FNDC5: variants seen among roughly 807,000 people sequenced by gnomAD.
FNDC5 encodes fibronectin type III domain-containing protein 5.
Under a neutral mutation model 24.6 loss-of-function variants are expected in FNDC5, and 10 were observed. That is an observed-to-expected ratio of 0.41 (90% CI 0.25 to 0.69). The LOEUF (loss-of-function observed/expected upper bound fraction) is 0.69. Among genes scored for constraint, FNDC5 ranks in the 30% least tolerant of loss-of-function variants. FNDC5 has a pLI of 0.34. For synonymous variants in FNDC5, 90 were observed against 110.7 expected, an observed-to-expected ratio of 0.81 and a Z score of 1.18; for missense variants, 226 against 282.9, an observed-to-expected ratio of 0.80 and a Z score of 1.44.
Position 32,868,844 on chromosome 1 carries a change from T to C in FNDC5, c.210+38A>G. 8.2e-7 allele frequency: 1 copy of C among 1,217,256 alleles called. No homozygotes were observed. Among genetic ancestry groups the C allele is most frequent in the Admixed American group, 3.7e-5 (1 of 26,690 alleles). 75.4% of individuals were successfully genotyped at this position (1,217,256 alleles called of 1,614,324 possible). On this transcript the variant is annotated intron_variant, in intron 2 of 5. Transcript: ENST00000373471. This position sits in a 1 kb window ranked among gnomAD's most constrained non-coding sequence, Gnocchi z 4.8. ...CTACCCCCATCTGCCACTACTGTCT[T>C]GATGTGTCCTTCCCTCCTAAGGACA... is the stretch of plus-strand genomic sequence containing the variant.
At position 32,864,733 on chromosome 1, in the gene FNDC5, CTTG is replaced by C. The variant is rs1641038135; in HGVS notation, c.561_563del (p.Asn187del). 10 of 1,614,106 alleles carry C rather than the reference CTTG, an allele frequency of 6.2e-6. No homozygotes were observed. Among genetic ancestry groups the C allele is most frequent in the African/African-American group, 2.7e-5 (2 of 75,034 alleles). ...TTTCTGATGCACTCTTGGTTTTTTC[CTTG>C]TTGTTATTGGGTTCATTGTCCTTGA... On this transcript the variant is annotated inframe_deletion, in exon 5 of 6. Coordinates refer to ENST00000373471, the MANE Select transcript of FNDC5 (RefSeq NM_153756.3).
intron 1 of FNDC5, among the ~76,000 whole-genome samples, chr1:32,869,517 C>CA: frequency 6.6e-6 from 1 of 152,318 alleles, no homozygotes; most frequent in Non-Finnish European, 1.5e-5. Context: ...ACAGAAGTAT[C>CA]CTCAGAGCTG....
intron 4 of FNDC5, 53 bp downstream of exon 4, chr1:32,867,700 C>A: frequency 1.3e-6 from 2 of 1,559,920 alleles, no homozygotes; most frequent in Non-Finnish European, 8.8e-7. Context: ...TGGTCAGAGT[C>A]CTCCATTTCC....
chr1:32,864,104 G>A lies in FNDC5; in HGVS notation c.*190C>T, dbSNP rs1163338856. ...ATTGTTGAGGTGCTTCTGGAGATGG[G>A]AGTTAATAAGAGGCTTCAGGAAAGT... is the stretch of plus-strand genomic sequence containing the variant. On this transcript the variant is annotated 3_prime_UTR_variant, in exon 6 of 6. Coordinates refer to ENST00000373471, the MANE Select transcript of FNDC5 (RefSeq NM_153756.3). The A allele has an allele frequency of 4.6e-6, 7 of 1,506,728 alleles. No individual in the cohort carries two copies. The highest frequency in any genetic ancestry group is 1.4e-5 in the African/African-American group (1 of 71,648). 93.3% of individuals were successfully genotyped at this position (1,506,728 alleles called of 1,614,324 possible). A position where few individuals can be genotyped will look rare whatever the true frequency, so the allele number is the denominator to read the frequency against.
In FNDC5 at chr1:32,868,065, G is replaced by A; in HGVS notation, c.409+125C>T. ...GGGACTAGCGTGAACCCTCTCTCAG[G>A]TACTGCTTTACTTGCCAGCAGGGGA... On this transcript the variant is annotated intron_variant, in intron 3 of 5. Transcript: ENST00000373471. The surrounding 1 kb of genome is among the most constrained non-coding windows in gnomAD (Gnocchi z 4.8). 8.3e-7 allele frequency: 1 copy of A among 1,202,246 alleles called. No homozygotes were observed. Among genetic ancestry groups the A allele is most frequent in the Non-Finnish European group, 1.2e-6 (1 of 836,700 alleles). The allele number at this position is 1,202,246 out of a possible 1,614,324, so 74.5% of individuals were successfully genotyped here.
Position 32,863,263 on chromosome 1 carries a change from G to A in FNDC5, c.*1031C>T, listed in dbSNP as rs977575034. ...AGACAAACCAGGTAACATCTTACAC[G>A]CTTGCAAAAGTGTGCATCACACCAC... On this transcript the variant is annotated 3_prime_UTR_variant, in exon 6 of 6. Coordinates refer to ENST00000373471, the MANE Select transcript of FNDC5 (RefSeq NM_153756.3). 1.3e-5 allele frequency: 2 copies of A among 158,286 alleles called. No homozygotes were observed. Among genetic ancestry groups the A allele is most frequent in the East Asian group, 3.6e-4 (2 of 5,522 alleles). 9.8% of individuals were successfully genotyped at this position (158,286 alleles called of 1,614,324 possible).
In FNDC5 at chr1:32,870,683, C is replaced by T. The variant is rs1641164960; in HGVS notation, c.64G>A (p.Gly22Ser). The stretch of plus-strand genomic sequence containing the variant: ...TGCACCAGCGCGAAGCAGACGCAGC[C>T]CAGCCACAGGCGGAGCGCGGCGCGG... Residue 22 changes from glycine to serine, a missense_variant, in exon 1 of 6, where the codon GGC becomes AGC. Coordinates refer to ENST00000373471, the MANE Select transcript of FNDC5 (RefSeq NM_153756.3). 1 of 1,206,366 alleles carries T rather than the reference C, an allele frequency of 8.3e-7. No homozygotes were observed. Among genetic ancestry groups the T allele is most frequent in the Non-Finnish European group, 1.0e-6 (1 of 971,536 alleles). The allele number at this position is 1,206,366 out of a possible 1,614,324, so 74.7% of individuals were successfully genotyped here. A position where few individuals can be genotyped will look rare whatever the true frequency, so the allele number is the denominator to read the frequency against.
chr1:32,865,018 ACCT>A (rs1202078577), intron 4 of FNDC5, among the ~76,000 whole-genome samples: 2 of 151,706 alleles, frequency 1.3e-5, no homozygotes, highest in Admixed American at 6.6e-5. Flanking sequence ...GTCTGATCAT[ACCT>A]CCTCCTCTCC....
chr1:32,867,326 G>C (rs1641090168), intron 4 of FNDC5, among the ~76,000 whole-genome samples: 1 of 152,126 alleles, frequency 6.6e-6, no homozygotes, highest in African/African-American at 2.4e-5. Context: ...ATGGTGGCTG[G>C]GTCTAGAAGG....
intron 1 of FNDC5, among the ~76,000 whole-genome samples, chr1:32,870,306 G>A (rs936476961): frequency 6.6e-6 from 1 of 152,150 alleles, no homozygotes; most frequent in South Asian, 2.1e-4. Flanking sequence ...TGGGGACACA[G>A]AGAGAGGCCC....
At chr1:32,871,888 TGGA>T (rs1436392773), upstream of FNDC5, among the ~76,000 whole-genome samples, 1 of 152,068 alleles carries the variant, frequency 6.6e-6, no homozygotes, top group Non-Finnish European at 1.5e-5. Flanking sequence ...AGAAACAAGG[TGGA>T]GGAGAGAGGC....
At chr1:32,867,874 C>T in intron 3 of FNDC5, 32 bp from the exon 4 acceptor site, 1 of 1,604,902 alleles carries the variant, frequency 6.2e-7, no homozygotes, top group Admixed American at 1.7e-5. Context: ...ATCCAGCACT[C>T]CTTTCCTCCC....
At position 32,864,787 on chromosome 1, in the gene FNDC5, G is replaced by A. The variant is rs1641038975; in HGVS notation, c.510C>T (p.Ala170=). 1.2e-6 allele frequency: 2 copies of A among 1,614,084 alleles called. No homozygotes were observed. Among genetic ancestry groups the A allele is most frequent in the Non-Finnish European group, 1.7e-6 (2 of 1,180,032 alleles). The stretch of plus-strand genomic sequence containing the variant: ...TGATGTCATACTGGCGGCAGAAGAG[G>A]GCAATGACACCTGAGGGGGGACAAG... The change falls in exon 5 of 6, where the codon GCC becomes GCT. Residue 170 remains alanine (A), a synonymous_variant. Transcript: ENST00000373471.
rs1641002893 is a variant in FNDC5, at chr1:32,863,572, G to T, written c.*722C>A. 3.4e-6 allele frequency: 2 copies of T among 586,342 alleles called. No individual in the cohort carries two copies. Among genetic ancestry groups the T allele is most frequent in the South Asian group, 1.9e-5 (1 of 53,232 alleles). 36.3% of individuals were successfully genotyped at this position (586,342 alleles called of 1,614,324 possible). The stretch of plus-strand genomic sequence containing the variant: ...TTATTTTTATTTTTTTGCAGAATTT[G>T]GGTTTGTAGTGCAGCCTCCTTCATC... On this transcript the variant is annotated 3_prime_UTR_variant, in exon 6 of 6. Transcript: ENST00000373471.
At chr1:32,864,596 C>T (rs1021111696) in intron 5 of FNDC5, 68 bp downstream of exon 5, 5 of 1,608,462 alleles carry the variant, frequency 3.1e-6, no homozygotes, top group Admixed American at 1.7e-5. Flanking sequence ...CTGACCCCCT[C>T]TGCAGTCCAG....
At position 32,864,292 on chromosome 1, in the gene FNDC5, T is replaced by G; in HGVS notation, c.*2A>C. ...TGCTGAGGGCAAGCACTGAAAAGGT[T>G]TTCATATCTGTTTTACAGAAGAGGA... On this transcript the variant is annotated 3_prime_UTR_variant, in exon 6 of 6. Coordinates refer to ENST00000373471, the MANE Select transcript of FNDC5 (RefSeq NM_153756.3). 6.2e-7 allele frequency: 1 copy of G among 1,614,034 alleles called. No homozygotes were observed. Among genetic ancestry groups the G allele is most frequent in the East Asian group, 2.2e-5 (1 of 44,900 alleles).
In FNDC5 at chr1:32,863,928, C is replaced by G. The variant is rs1312941906; in HGVS notation, c.*366G>C. ...GTCCCTTGTGGAAAGAAAAGAGAAG[C>G]CCTGCCTGGATGTCTTGTCTTTTTG... On this transcript the variant is annotated 3_prime_UTR_variant, in exon 6 of 6. Coordinates refer to ENST00000373471, the MANE Select transcript of FNDC5 (RefSeq NM_153756.3). 7.9e-7 allele frequency: 1 copy of G among 1,271,196 alleles called. No individual in the cohort carries two copies. Among genetic ancestry groups the G allele is most frequent in the Non-Finnish European group, 1.0e-6 (1 of 984,926 alleles). The allele number at this position is 1,271,196 out of a possible 1,614,324, so 78.7% of individuals were successfully genotyped here. A position where few individuals can be genotyped will look rare whatever the true frequency, so the allele number is the denominator to read the frequency against.
At chr1:32,865,563 T>A (rs905565551) in intron 4 of FNDC5, among the ~76,000 whole-genome samples, 2 of 151,916 alleles carry the variant, frequency 1.3e-5, no homozygotes, top group East Asian at 3.9e-4. Context: ...GGCAGGAGAA[T>A]AGCTTGAACC....
chr1:32,863,805 C>T lies in FNDC5; in HGVS notation c.*489G>A. On this transcript the variant is annotated 3_prime_UTR_variant, in exon 6 of 6. Transcript: ENST00000373471. ...GGAGGAAAAAAATGAGAGAAGCAGC[C>T]AGGCCTAATTGTGAATAGCCTTCTT... The T allele has an allele frequency of 7.7e-7, 1 of 1,304,778 alleles. No homozygotes were observed. The highest frequency in any genetic ancestry group is 1.0e-6 in the Non-Finnish European group (1 of 989,244). The allele number at this position is 1,304,778 out of a possible 1,614,324, so 80.8% of individuals were successfully genotyped here. A position where few individuals can be genotyped will look rare whatever the true frequency, so the allele number is the denominator to read the frequency against.
Sources: allele counts gnomAD v4.1 joint callset (sites outside exome capture counted in the v4.1 genomes callset), GRCh38; gene constraint gnomAD v4.1.1; non-coding constraint Gnocchi (gnomAD v3.1); transcripts MANE v1.5; gene names NCBI Gene and HGNC (gene_info 2026-07-23, HGNC 2026-07-21).